The following RBSN variants were observed in gnomAD, a reference collection of about 807,000 sequenced individuals.
RBSN encodes the protein rabenosyn, RAB effector.
In RBSN, 34 loss-of-function variants were observed where a neutral mutation model predicts 60.5. The observed-to-expected ratio is 0.56, with a 90% CI of 0.43 to 0.75. The LOEUF (loss-of-function observed/expected upper bound fraction) is 0.75. Ranked by LOEUF, RBSN falls within the 30% of genes least tolerant of loss-of-function variation. The probability of loss-of-function intolerance (pLI) is 0.00; values close to 1 mark genes in which losing one functional copy is unlikely to be tolerated. For missense variants in RBSN, 845 were observed against 986.8 expected (o/e 0.86, Z 1.92); for synonymous variants, 322 against 366.9 (o/e 0.88, Z 1.40).
At chr3:15,095,216 G>A (rs2043623476) in intron 4 of RBSN, among the ~76,000 whole-genome samples, 1 of 151,634 alleles carries the variant, frequency 6.6e-6, no homozygotes, top group East Asian at 1.9e-4. Flanking sequence ...GTGAGACGGG[G>A]TTTCGCCATG....
Position 15,077,898 on chromosome 3 carries a change from G to A in RBSN, c.998+177C>T, listed in dbSNP as rs369836097. On this transcript the variant is annotated intron_variant, in intron 11 of 13. Coordinates refer to ENST00000253699, the MANE Select transcript of RBSN (RefSeq NM_022340.4). The surrounding 1 kb of genome is among the most constrained non-coding windows in gnomAD (Gnocchi z 4.4). ...ATAGCAAACATTAGAAATCCTTAAC[G>A]AAACAAAAGTCACTGAGATGCATTA... Among the ~76,000 whole-genome samples, 8 of 152,154 alleles carry A rather than the reference G, an allele frequency of 5.3e-5. No individual in the cohort carries two copies. In the East Asian group the frequency reaches 5.8e-4, roughly 11 times the overall value.
At chr3:15,081,862 A>AG (rs1217424119) in intron 9 of RBSN, among the ~76,000 whole-genome samples, 3 of 152,188 alleles carry the variant, frequency 2.0e-5, no homozygotes, top group African/African-American at 4.8e-5. Context: ...TGCATCTAGT[A>AG]GGGGGGCTGT....
At chr3:15,091,017 TG>T (rs1263265922) in intron 4 of RBSN, among the ~76,000 whole-genome samples, 1 of 151,882 alleles carries the variant, frequency 6.6e-6, no homozygotes, top group African/African-American at 2.4e-5. Flanking sequence ...CAAGCCAGCC[TG>T]GGCAACATGA....
At position 15,090,655 on chromosome 3, in the gene RBSN, C is replaced by T; in HGVS notation, c.149-116G>A. 4 of 1,409,290 alleles carry T rather than the reference C, an allele frequency of 2.8e-6. No individual in the cohort carries two copies. In the South Asian group the frequency reaches 4.3e-5, roughly 15 times the overall value. 87.3% of individuals were successfully genotyped at this position (1,409,290 alleles called of 1,614,324 possible). A position where few individuals can be genotyped will look rare whatever the true frequency, so the allele number is the denominator to read the frequency against. On this transcript the variant is annotated intron_variant, in intron 4 of 13. Coordinates refer to ENST00000253699, the MANE Select transcript of RBSN (RefSeq NM_022340.4). ...TAATTATCGTTTGTTTAAAAATGCA[C>T]CAGAAATATTTAGATCTCAAGTAAA... is the stretch of plus-strand genomic sequence containing the variant.
chr3:15,090,492 CT>C lies in RBSN; in HGVS notation c.195del (p.Glu66LysfsTer34). 4 of 1,614,248 alleles carry C rather than the reference CT, an allele frequency of 2.5e-6. No homozygotes were observed. Among genetic ancestry groups the C allele is most frequent in the Non-Finnish European group, 3.4e-6 (4 of 1,180,046 alleles). On this transcript the variant is annotated frameshift_variant, in exon 5 of 14. Coordinates refer to ENST00000253699, the MANE Select transcript of RBSN (RefSeq NM_022340.4). LOFTEE classifies it high-confidence loss of function. Reference protein sequence around the residue: ...AKKAKDRLLKREGDDRAESGT... With the variant: ...AKKAKDRLLKXEGDDRAESGT... ...CCTGACTCTGCTCGATCATCCCCTT[CT>C]CGTTTCAACAACCTGTCCTTTGCTT...
chr3:15,096,092 A>C lies in RBSN; in HGVS notation c.29T>G (p.Val10Gly). 1 of 1,607,146 alleles carries C rather than the reference A, an allele frequency of 6.2e-7. No individual in the cohort carries two copies. Among genetic ancestry groups the C allele is most frequent in the Non-Finnish European group, 8.5e-7 (1 of 1,176,262 alleles). Residue 10 changes from valine (V) to glycine (G), a missense_variant, in exon 4 of 14, where the codon GTG becomes GGG. Transcript: ENST00000253699. MASLDDPGE[V>G]REGFLCPLCL... is the part of the protein sequence containing the mutation. ...CAGAGGGCAGAGGAAGCCCTCCCTC[A>C]CTTCCCCTGGGTCGTCCAGAGAAGC...
At position 15,070,361 on chromosome 3, in the gene RBSN, TAGAC is replaced by T. The variant is rs1408460455; in HGVS notation, c.*3417_*3420del. 3.9e-5 allele frequency: 6 copies of T among 152,632 alleles called. No homozygotes were observed. Among genetic ancestry groups the T allele is most frequent in the African/African-American group, 1.2e-4 (5 of 41,454 alleles). 9.5% of individuals were successfully genotyped at this position (152,632 alleles called of 1,614,324 possible). A position where few individuals can be genotyped will look rare whatever the true frequency, so the allele number is the denominator to read the frequency against. On this transcript the variant is annotated 3_prime_UTR_variant, in exon 14 of 14. Transcript: ENST00000253699. Reference sequence around the variant, plus strand: ...CAATGAGTAAGTATCCTTAGTGTATTAGACAGGGTAAATACAAACAAGGCATAAA... The same window carrying T: ...CAATGAGTAAGTATCCTTAGTGTATTAGGGTAAATACAAACAAGGCATAAA...
intron 12 of RBSN, among the ~76,000 whole-genome samples, chr3:15,076,370 G>T (rs1449385836): frequency 6.6e-6 from 1 of 152,100 alleles, no homozygotes; most frequent in Non-Finnish European, 1.5e-5. Flanking sequence ...GGAGGCCAAG[G>T]TGGGCAGACT....
chr3:15,090,629 ATAAT>A, intron 4 of RBSN, 90 bp from the exon 5 acceptor site: 2 of 1,521,488 alleles, frequency 1.3e-6, no homozygotes, highest in Non-Finnish European at 1.8e-6. Flanking sequence ...AGTTGACGAA[ATAAT>A]TATCGTTTGT....
chr3:15,077,099 TGCA>T lies in RBSN; in HGVS notation c.1061_1063del (p.Leu354del). On this transcript the variant is annotated inframe_deletion, in exon 12 of 14. Coordinates refer to ENST00000253699, the MANE Select transcript of RBSN (RefSeq NM_022340.4). This position sits in a 1 kb window ranked among gnomAD's most constrained non-coding sequence, Gnocchi z 4.4. ...TGTAGCTGAGTATCTGATCATTCTC[TGCA>T]GCCGCAAATTGCTTGGATGTGGTGG... The T allele has an allele frequency of 1.9e-6, 3 of 1,614,186 alleles. No individual in the cohort carries two copies. The highest frequency in any genetic ancestry group is 2.5e-6 in the Non-Finnish European group (3 of 1,180,010).
In RBSN at chr3:15,073,822, A is replaced by G. The variant is rs1454943883; in HGVS notation, c.2315T>C (p.Leu772Pro). ...CTTCTGCTTGGCCAGGGTGTGCTTC[A>G]GCTCCCGCAGATTCTCTGTCAGCAC... ...VEVLTENLRE[L>P]KHTLAKQKGG... The change falls in exon 14 of 14, where the codon CTG becomes CCG. Residue 772 changes from leucine (L) to proline (P), a missense_variant. Physicochemically the swap from Leu to Pro is moderately conservative, Grantham distance 98. Transcript: ENST00000253699. 2 of 1,612,324 alleles carry G rather than the reference A, an allele frequency of 1.2e-6. No homozygotes were observed. The highest frequency in any genetic ancestry group is 1.7e-6 in the Non-Finnish European group (2 of 1,179,454).
At position 15,074,522 on chromosome 3, in the gene RBSN, C is replaced by G; in HGVS notation, c.1615G>C (p.Val539Leu). 1 of 1,614,196 alleles carries G rather than the reference C, an allele frequency of 6.2e-7. No homozygotes were observed. The highest frequency in any genetic ancestry group is 8.5e-7 in the Non-Finnish European group (1 of 1,180,024). Reference sequence around the variant, plus strand: ...CGAGTCCGTGTGTGCAGGGATGCCACCCGAAACTGCTCCCTTTCTCGTTCC... The same window carrying G: ...CGAGTCCGTGTGTGCAGGGATGCCAGCCGAAACTGCTCCCTTTCTCGTTCC... ...ELEREREQFR[V>L]ASLHTRTRSL... The change falls in exon 14 of 14, where the codon GTG becomes CTG. Residue 539 changes from valine (V) to leucine (L), a missense_variant. Coordinates refer to ENST00000253699, the MANE Select transcript of RBSN (RefSeq NM_022340.4). This position sits in a 1 kb window ranked among gnomAD's most constrained non-coding sequence, Gnocchi z 6.4.
rs1482151432 is a variant in RBSN at position 15,077,293 on chromosome 3, T to C, written c.999-129A>G. The C allele has an allele frequency of 3.7e-5, 28 of 765,204 alleles. No individual in the cohort carries two copies. Among genetic ancestry groups the C allele is most frequent in the Middle Eastern group, 4.8e-4 (2 of 4,148 alleles). The allele number at this position is 765,204 out of a possible 1,614,324, so 47.4% of individuals were successfully genotyped here. A position where few individuals can be genotyped will look rare whatever the true frequency, so the allele number is the denominator to read the frequency against. ...GTGTAAAGATGGACAAGTGACTCCA[T>C]TGAAGTTTCTTTGAAGGCAAAGCCC... On this transcript the variant is annotated intron_variant, in intron 11 of 13. Coordinates refer to ENST00000253699, the MANE Select transcript of RBSN (RefSeq NM_022340.4). The surrounding 1 kb of genome is among the most constrained non-coding windows in gnomAD (Gnocchi z 4.4).
At chr3:15,075,439 C>T in intron 13 of RBSN, 167 bp downstream of exon 13, 1 of 715,296 alleles carries the variant, frequency 1.4e-6, no homozygotes, top group South Asian at 1.5e-5. Flanking sequence ...AACAATTATT[C>T]TAGTTCCCAT....
At chr3:15,095,813 C>A (rs1405302663) in intron 4 of RBSN, 160 bp downstream of exon 4, 3 of 863,290 alleles carry the variant, frequency 3.5e-6, no homozygotes, top group Non-Finnish European at 5.3e-6. Flanking sequence ...AATTAATAAA[C>A]AGGGAAACTC....
intron 4 of RBSN, among the ~76,000 whole-genome samples, chr3:15,092,987 C>T (rs183751061): frequency 6.9e-4 from 105 of 152,292 alleles, no homozygotes; most frequent in African/African-American, 2.4e-3. Flanking sequence ...AAGCCACAGT[C>T]AATTTTCAGC....
chr3:15,094,636 G>A (rs1394666278), intron 4 of RBSN, among the ~76,000 whole-genome samples: 1 of 152,174 alleles, frequency 6.6e-6, no homozygotes, highest in Non-Finnish European at 1.5e-5. Context: ...TTTTGGCTCT[G>A]TTCTATAGCC....
chr3:15,077,090 A>G lies in RBSN; in HGVS notation c.1073T>C (p.Ile358Thr), dbSNP rs2043072446. The G allele has an allele frequency of 6.2e-7, 1 of 1,614,016 alleles. No individual in the cohort carries two copies. The highest frequency in any genetic ancestry group is 8.5e-7 in the Non-Finnish European group (1 of 1,180,006). ...CACAAAAAGTGTAGCTGAGTATCTG[A>G]TCATTCTCTGCAGCCGCAAATTGCT... is the stretch of plus-strand genomic sequence containing the variant. ...HPSNLRLQRM[I>T]RYSATLFVQE... The change falls in exon 12 of 14, where the codon ATC (isoleucine) becomes ACC (threonine). Residue 358 changes from isoleucine (I) to threonine (T), a missense_variant. By Grantham distance (89) the Ile-to-Thr change is moderately conservative. Transcript: ENST00000253699. This position sits in a 1 kb window ranked among gnomAD's most constrained non-coding sequence, Gnocchi z 4.4.
intron 4 of RBSN, among the ~76,000 whole-genome samples, chr3:15,090,871 T>C (rs1213976601): frequency 1.3e-5 from 2 of 152,200 alleles, no homozygotes; most frequent in Admixed American, 1.3e-4. Context: ...GTGATGGAAG[T>C]GTTTTCTTCT....
Sources: allele counts gnomAD v4.1 joint callset (sites outside exome capture counted in the v4.1 genomes callset), GRCh38; gene constraint gnomAD v4.1.1; non-coding constraint Gnocchi (gnomAD v3.1); transcripts MANE v1.5; gene names NCBI Gene and HGNC (gene_info 2026-07-23, HGNC 2026-07-21).